Variants in DLGAP2 observed in about 807,000 individuals in gnomAD.
The protein encoded by DLGAP2 is disks large-associated protein 2.
Under a neutral mutation model 100.3 loss-of-function variants are expected in DLGAP2, and 26 were observed. The observed-to-expected ratio is 0.26, with a 90% confidence interval of 0.19 to 0.36. The LOEUF is 0.36. DLGAP2 is among the 10% of genes least tolerant of loss of function. DLGAP2 has a pLI of 1.00. For synonymous variants in DLGAP2, 886 were observed against 630.1 expected (o/e 1.41, Z -6.08); for missense variants, 1,858 against 1,453.2 (o/e 1.28, Z -4.53).
At chr8:1,680,851 C>T (rs547348016) in intron 12 of DLGAP2, 4 of 152,194 alleles carry the variant, frequency 2.6e-5, no homozygotes, top group Non-Finnish European at 5.9e-5. Context: ...CACAGAAAAA[C>T]TGCATTGCCT....
intron 2 of DLGAP2, among the ~76,000 whole-genome samples, chr8:1,167,150 G>C (rs1293277961): frequency 6.7e-6 from 1 of 149,820 alleles, no homozygotes; most frequent in Non-Finnish European, 1.5e-5. Flanking sequence ...AGAAGAAAAA[G>C]AAAAAAACAA....
At chr8:1,280,140 G>A (rs747171585) in intron 3 of DLGAP2, among the ~76,000 whole-genome samples, 11 of 152,122 alleles carry the variant, frequency 7.2e-5, no homozygotes, top group African/African-American at 1.4e-4. Flanking sequence ...TTCAGGGGTC[G>A]CATAATTCCT....
chr8:1,585,478 G>C (rs1796088382), intron 6 of DLGAP2, among the ~76,000 whole-genome samples: 1 of 152,208 alleles, frequency 6.6e-6, no homozygotes, highest in African/African-American at 2.4e-5. Flanking sequence ...ACTCCTTAGG[G>C]CTGTCAGTTC....
chr8:1,252,361 TGCCACAC>T (rs1412952200), intron 2 of DLGAP2, among the ~76,000 whole-genome samples: 2 of 144,640 alleles, frequency 1.4e-5, no homozygotes, highest in Non-Finnish European at 3.2e-5. Context: ...ATGTCACACT[TGCCACAC>T]TGTGGTGTTG....
chr8:953,058 C>G (rs1799518041), intron 2 of DLGAP2, among the ~76,000 whole-genome samples: 1 of 152,210 alleles, frequency 6.6e-6, no homozygotes, highest in African/African-American at 2.4e-5. Context: ...AAAATGCTGA[C>G]AGATCCTATA....
chr8:805,015 C>T (rs1349772944), intron 1 of DLGAP2, among the ~76,000 whole-genome samples: 1 of 152,176 alleles, frequency 6.6e-6, no homozygotes, highest in African/African-American at 2.4e-5. Context: ...AAGTGATTGG[C>T]CTGCCTTGCC....
chr8:1,346,924 C>A, intron 3 of DLGAP2, among the ~76,000 whole-genome samples: 1 of 150,936 alleles, frequency 6.6e-6, no homozygotes, highest in East Asian at 2.0e-4. Flanking sequence ...AGTTCCCATA[C>A]ACGTCTGCAT....
chr8:1,204,834 G>C (rs990226787), intron 2 of DLGAP2, among the ~76,000 whole-genome samples: 9 of 152,180 alleles, frequency 5.9e-5, no homozygotes, highest in Admixed American at 3.3e-4. Flanking sequence ...AGATTTATGA[G>C]GCTGAACTAA....
chr8:1,687,650 G>A (rs1429003940), intron 12 of DLGAP2, among the ~76,000 whole-genome samples: 4 of 152,058 alleles, frequency 2.6e-5, no homozygotes, highest in African/African-American at 9.7e-5. Flanking sequence ...ACATTAAATC[G>A]ATACCAAGAT....
chr8:1,254,256 G>T (rs1799119791), intron 2 of DLGAP2, among the ~76,000 whole-genome samples: 1 of 152,188 alleles, frequency 6.6e-6, no homozygotes, highest in South Asian at 2.1e-4. Flanking sequence ...TGCCCTGGGG[G>T]AACCCCGGGC....
chr8:1,451,357 C>T (rs1045113767), intron 3 of DLGAP2, among the ~76,000 whole-genome samples: 1 of 152,142 alleles, frequency 6.6e-6, no homozygotes, highest in African/African-American at 2.4e-5. Context: ...CAAGTGCCTC[C>T]AGGTTGCATG....
intron 1 of DLGAP2, among the ~76,000 whole-genome samples, chr8:854,002 A>G (rs2128988237): frequency 6.6e-6 from 1 of 152,248 alleles, no homozygotes; most frequent in South Asian, 2.1e-4. Flanking sequence ...CCTACCTAGC[A>G]AGGACACAGT....
At chr8:1,360,319 GGCTTCTCCAGGACGGT>G (rs1801955051) in intron 3 of DLGAP2, among the ~76,000 whole-genome samples, 2 of 140,632 alleles carry the variant, frequency 1.4e-5, no homozygotes, top group Non-Finnish European at 3.1e-5. Flanking sequence ...TCCGGGGCGG[GGCTTCTCCAGGACGGT>G]GCTTTCAACA....
intron 3 of DLGAP2, among the ~76,000 whole-genome samples, chr8:1,277,882 C>T (rs926104464): frequency 1.3e-5 from 2 of 152,128 alleles, no homozygotes; most frequent in East Asian, 1.9e-4. Context: ...GTGTCATGTC[C>T]GTGACAATGC....
chr8:1,092,618 C>T (rs73180701), intron 2 of DLGAP2, among the ~76,000 whole-genome samples: 23,940 of 152,230 alleles, frequency 0.16, 1,931 homozygotes, highest in Admixed American at 0.21. Context: ...GGGACAGAGC[C>T]TTCAAGGCTG....
chr8:1,246,035 G>A (rs963019397), intron 2 of DLGAP2, among the ~76,000 whole-genome samples: 4 of 152,176 alleles, frequency 2.6e-5, no homozygotes, highest in African/African-American at 9.7e-5. Context: ...GTTGATATTT[G>A]TTCCTGCTAT....
chr8:737,921 C>T (rs1820360827), intron 1 of DLGAP2, 96 bp downstream of exon 1: 1 of 359,498 alleles, frequency 2.8e-6, no homozygotes, highest in Non-Finnish European at 5.0e-6. Context: ...GGGGACGCCC[C>T]GAGGGCGTCA....
chr8:965,887 C>T (rs1178459483), intron 2 of DLGAP2, among the ~76,000 whole-genome samples: 1 of 152,072 alleles, frequency 6.6e-6, no homozygotes, highest in East Asian at 1.9e-4. Context: ...CAGCGCTGTT[C>T]ACCACCGCAT....
At chr8:1,343,251 A>G (rs772659014) in intron 3 of DLGAP2, among the ~76,000 whole-genome samples, 11 of 152,200 alleles carry the variant, frequency 7.2e-5, no homozygotes, top group Non-Finnish European at 1.5e-4. Flanking sequence ...AGAGGTGCGC[A>G]GGGCAGGGCT....
Sources: gnomAD v4.1 joint callset for allele counts (sites outside exome capture counted in the v4.1 genomes callset) on GRCh38, gnomAD v4.1.1 for gene constraint, MANE v1.5 for transcripts, NCBI Gene and HGNC (gene_info 2026-07-23, HGNC 2026-07-21) for gene names.